SMYD3: variants seen among roughly 807,000 people sequenced by gnomAD.
SMYD3 encodes the protein SET and MYND domain containing 3.
Under a neutral mutation model 57.7 loss-of-function variants are expected in SMYD3, and 36 were observed. The observed-to-expected ratio is 0.62, with a 90% CI of 0.48 to 0.82. The LOEUF (loss-of-function observed/expected upper bound fraction) is 0.82, where lower values mean the gene tolerates loss of function less well. Ranked by LOEUF, SMYD3 falls within the 40% of genes least tolerant of loss-of-function variation. The pLI, the probability that SMYD3 is intolerant of heterozygous loss-of-function variation, is 0.00. For missense variants in SMYD3, 515 were observed against 538.8 expected, an observed-to-expected ratio of 0.96 and a Z score of 0.44; for synonymous variants, 211 against 195.0, an observed-to-expected ratio of 1.08 and a Z score of -0.68.
At chr1:246,432,767 C>T (rs1440045998) in intron 1 of SMYD3, among the ~76,000 whole-genome samples, 2 of 152,174 alleles carry the variant, frequency 1.3e-5, no homozygotes, top group Non-Finnish European at 2.9e-5. Flanking sequence ...CACAGTCACA[C>T]TCATCATTAC....
chr1:245,951,610 A>G (rs188197714), intron 5 of SMYD3, among the ~76,000 whole-genome samples: 1 of 149,364 alleles, frequency 6.7e-6, no homozygotes, highest in African/African-American at 2.5e-5. Context: ...GTCAATTCCT[A>G]CCTCCTACGA....
intron 5 of SMYD3, among the ~76,000 whole-genome samples, chr1:246,149,701 G>C (rs1257403838): frequency 2.6e-5 from 4 of 152,144 alleles, no homozygotes; most frequent in Non-Finnish European, 4.4e-5. Flanking sequence ...TTCTGGGTAG[G>C]AACTTTTCTG....
At chr1:245,791,873 C>CA (rs2047285771) in intron 10 of SMYD3, among the ~76,000 whole-genome samples, 1 of 152,034 alleles carries the variant, frequency 6.6e-6, no homozygotes, top group South Asian at 2.1e-4. Context: ...GCTCTCCTCT[C>CA]ATGCTTTCTG....
At chr1:246,481,701 T>C (rs1294441909) in intron 1 of SMYD3, among the ~76,000 whole-genome samples, 3 of 146,026 alleles carry the variant, frequency 2.1e-5, no homozygotes, top group African/African-American at 7.5e-5. Flanking sequence ...TATATGATCA[T>C]ATATGATTAT....
chr1:246,398,376 C>A (rs1296077641), intron 1 of SMYD3, among the ~76,000 whole-genome samples: 1 of 152,236 alleles, frequency 6.6e-6, no homozygotes, highest in African/African-American at 2.4e-5. Flanking sequence ...GCAAGGACAG[C>A]CCGCCTGTGA....
intron 1 of SMYD3, among the ~76,000 whole-genome samples, chr1:246,472,835 G>A (rs534820010): frequency 2.7e-5 from 4 of 148,960 alleles, no homozygotes; most frequent in Non-Finnish European, 4.4e-5. Flanking sequence ...GGAGTCTCCC[G>A]CAGTTACTCT....
At chr1:245,971,288 G>GGCCT (rs919375866) in intron 5 of SMYD3, among the ~76,000 whole-genome samples, 3 of 152,140 alleles carry the variant, frequency 2.0e-5, no homozygotes, top group Admixed American at 1.3e-4. Context: ...CACACACCAA[G>GGCCT]GCCTGTCTGG....
intron 5 of SMYD3, among the ~76,000 whole-genome samples, chr1:246,092,395 G>A (rs187869984): frequency 5.9e-5 from 9 of 152,160 alleles, no homozygotes; most frequent in South Asian, 4.2e-4. Flanking sequence ...AAAATGTCAC[G>A]CTTCTCATAA....
intron 5 of SMYD3, among the ~76,000 whole-genome samples, chr1:245,993,452 G>A (rs1484374822): frequency 6.6e-6 from 1 of 151,934 alleles, no homozygotes; most frequent in African/African-American, 2.4e-5. Context: ...TAAAAAATAG[G>A]AGCCAAGCAT....
At chr1:245,761,874 C>T (rs554211467) in intron 11 of SMYD3, among the ~76,000 whole-genome samples, 83 of 149,096 alleles carry the variant, frequency 5.6e-4, no homozygotes, top group African/African-American at 1.8e-3. Flanking sequence ...TAACCTCTGC[C>T]GCCTGGGTTA....
intron 5 of SMYD3, among the ~76,000 whole-genome samples, chr1:245,994,649 G>A (rs1024198261): frequency 2.6e-5 from 4 of 152,242 alleles, no homozygotes; most frequent in South Asian, 2.1e-4. Context: ...CAGAAATAGG[G>A]GAGGGCCTTC....
chr1:245,904,971 A>T (rs545738065), intron 8 of SMYD3, among the ~76,000 whole-genome samples: 6 of 151,860 alleles, frequency 4.0e-5, no homozygotes, highest in Admixed American at 2.0e-4. Context: ...CTCCCAGATG[A>T]CATTTCTAGA....
intron 5 of SMYD3, among the ~76,000 whole-genome samples, chr1:246,136,111 A>G (rs968940121): frequency 6.6e-6 from 1 of 152,214 alleles, no homozygotes; most frequent in Admixed American, 6.5e-5. Flanking sequence ...CAGGAACTGC[A>G]CATGTTCCCA....
At chr1:246,344,059 G>GT (rs761072124) in intron 2 of SMYD3, among the ~76,000 whole-genome samples, 1 of 151,906 alleles carries the variant, frequency 6.6e-6, no homozygotes, top group Non-Finnish European at 1.5e-5. Context: ...ATAAATTTTT[G>GT]TTTTTTTGAG....
Position 246,123,873 on chromosome 1 carries a change from GC to G in SMYD3, c.532-193937del, listed in dbSNP as rs561363221. Among the ~76,000 whole-genome samples, 819 of 152,146 alleles carry G rather than the reference GC, an allele frequency of 5.4e-3. 6 individuals carry two copies. Among genetic ancestry groups the G allele is most frequent in the Non-Finnish European group, 6.2e-3 (421 of 68,016 alleles). On this transcript the variant is annotated intron_variant, in intron 5 of 11. Transcript: ENST00000490107. Reference sequence around the variant, plus strand: ...AACCGTTAACGAAATGGCAACCCTAGCACCCAAAGATGGGACTAGTCCTGCA... The same window carrying G: ...AACCGTTAACGAAATGGCAACCCTAGACCCAAAGATGGGACTAGTCCTGCA...
chr1:245,998,267 G>A (rs2058970613), intron 5 of SMYD3, among the ~76,000 whole-genome samples: 1 of 152,168 alleles, frequency 6.6e-6, no homozygotes, highest in South Asian at 2.1e-4. Flanking sequence ...CTTTAACCCT[G>A]GGTAAAGAGT....
At chr1:245,973,321 G>A (rs2058346197) in intron 5 of SMYD3, among the ~76,000 whole-genome samples, 1 of 152,188 alleles carries the variant, frequency 6.6e-6, no homozygotes, top group Non-Finnish European at 1.5e-5. Context: ...GCACAAGAAG[G>A]AAATTTAGGA....
At chr1:246,025,134 G>A (rs530169077) in intron 5 of SMYD3, among the ~76,000 whole-genome samples, 1 of 150,604 alleles carries the variant, frequency 6.6e-6, no homozygotes, top group African/African-American at 2.5e-5. Flanking sequence ...ACAGCATCTA[G>A]GAAGGGAGAT....
intron 10 of SMYD3, among the ~76,000 whole-genome samples, chr1:245,788,518 C>T (rs1364678937): frequency 6.6e-6 from 1 of 152,122 alleles, no homozygotes; most frequent in Non-Finnish European, 1.5e-5. Context: ...CTGTTTAGAG[C>T]CAGAAGGAAG....
Sources: gnomAD v4.1 joint callset for allele counts (sites outside exome capture counted in the v4.1 genomes callset) on GRCh38, gnomAD v4.1.1 for gene constraint, MANE v1.5 for transcripts, NCBI Gene and HGNC (gene_info 2026-07-23, HGNC 2026-07-21) for gene names.